B3GALT1: variants seen among roughly 807,000 people sequenced by gnomAD.
B3GALT1 encodes UDP-Gal:betaGlcNAc beta 1,3-galactosyltransferase, polypeptide 1.
In B3GALT1, 10 loss-of-function variants were observed where a neutral mutation model predicts 23.2. That is an observed-to-expected ratio of 0.43 (90% CI 0.27 to 0.73). The LOEUF (loss-of-function observed/expected upper bound fraction) is 0.73, where lower values mean the gene tolerates loss of function less well. Ranked by LOEUF, B3GALT1 falls within the 30% of genes least tolerant of loss-of-function variation. The pLI, the probability that B3GALT1 is intolerant of heterozygous loss-of-function variation, is 0.21. For missense variants in B3GALT1, 299 were observed against 405.4 expected (o/e 0.74, Z 2.25); for synonymous variants, 156 against 141.5 (o/e 1.10, Z -0.73).
At chr2:167,572,584 G>A (rs2105401172) in intron 2 of B3GALT1, among the ~76,000 whole-genome samples, 1 of 151,848 alleles carries the variant, frequency 6.6e-6, no homozygotes, top group East Asian at 1.9e-4. Flanking sequence ...TGGAAGTCAT[G>A]AATATTTAAG....
chr2:167,650,354 G>A (rs1254541539), intron 3 of B3GALT1, among the ~76,000 whole-genome samples: 1 of 149,876 alleles, frequency 6.7e-6, no homozygotes, highest in Non-Finnish European at 1.5e-5. Flanking sequence ...TATATAGTGA[G>A]AATATATATC....
At chr2:167,367,031 G>T (rs1697598482) in intron 1 of B3GALT1, among the ~76,000 whole-genome samples, 1 of 152,178 alleles carries the variant, frequency 6.6e-6, no homozygotes, top group Admixed American at 6.5e-5. Flanking sequence ...AAGTGGGGAA[G>T]ACTACACAAG....
chr2:167,678,186 G>T (rs1438686968), intron 3 of B3GALT1, among the ~76,000 whole-genome samples: 1 of 151,866 alleles, frequency 6.6e-6, no homozygotes, highest in African/African-American at 2.4e-5. Context: ...TTCTATCTTT[G>T]TGTCCCCATT....
At chr2:167,470,448 T>C (rs902708613) in intron 1 of B3GALT1, among the ~76,000 whole-genome samples, 1 of 152,192 alleles carries the variant, frequency 6.6e-6, no homozygotes, top group South Asian at 2.1e-4. Flanking sequence ...CATATTGTAA[T>C]CCAGTGCAAT....
At chr2:167,745,728 A>C (rs185248336) in intron 3 of B3GALT1, among the ~76,000 whole-genome samples, 64 of 152,056 alleles carry the variant, frequency 4.2e-4, no homozygotes, top group African/African-American at 1.4e-3. Context: ...GGTGTTCTGC[A>C]GTTTTACTGG....
intron 2 of B3GALT1, among the ~76,000 whole-genome samples, chr2:167,523,363 A>G (rs986261280): frequency 6.6e-6 from 1 of 151,808 alleles, no homozygotes; most frequent in African/African-American, 2.4e-5. Flanking sequence ...TCTTGCCCAC[A>G]CATTCCCATC....
chr2:167,678,013 A>G (rs1346578903), intron 3 of B3GALT1, among the ~76,000 whole-genome samples: 1 of 152,152 alleles, frequency 6.6e-6, no homozygotes, highest in Non-Finnish European at 1.5e-5. Context: ...TCCCTCCCCC[A>G]ACACGTGCGG....
In B3GALT1 at chr2:167,824,997, A is replaced by T. The variant is rs543131012; in HGVS notation, c.-230+6204A>T. On this transcript the variant is annotated intron_variant, in intron 4 of 4. Coordinates refer to ENST00000392690, the MANE Select transcript of B3GALT1 (RefSeq NM_020981.4). Reference sequence around the variant, plus strand: ...GCAACTGAGGTCATGGGCAGAAAAAAAAATTGCATAGAAAACAAGCAAAAC... The same window carrying T: ...GCAACTGAGGTCATGGGCAGAAAAATAAATTGCATAGAAAACAAGCAAAAC... Among the ~76,000 whole-genome samples, 3 of 152,248 alleles carry T rather than the reference A, an allele frequency of 2.0e-5. No homozygotes were observed. The South Asian group carries it at 6.2e-4, about 32-fold the overall frequency.
intron 3 of B3GALT1, among the ~76,000 whole-genome samples, chr2:167,727,544 C>T (rs1003086008): frequency 1.2e-4 from 18 of 152,262 alleles, no homozygotes; most frequent in Admixed American, 1.0e-3. Context: ...TTCCAGCATA[C>T]CTCAAAATCT....
intron 3 of B3GALT1, among the ~76,000 whole-genome samples, chr2:167,744,568 C>G (rs1007815665): frequency 1.6e-4 from 25 of 151,658 alleles, no homozygotes; most frequent in Non-Finnish European, 2.7e-4. Context: ...TTTTAATTTT[C>G]TGTTTTCTTA....
At chr2:167,411,979 A>G (rs1009081233) in intron 1 of B3GALT1, among the ~76,000 whole-genome samples, 2 of 152,134 alleles carry the variant, frequency 1.3e-5, no homozygotes, top group East Asian at 3.9e-4. Flanking sequence ...GCATGTTCTC[A>G]CTCGTGTAGG....
intron 2 of B3GALT1, among the ~76,000 whole-genome samples, chr2:167,495,241 A>G (rs896215217): frequency 6.6e-6 from 1 of 151,892 alleles, no homozygotes; most frequent in African/African-American, 2.4e-5. Context: ...GTTGATGGGA[A>G]GTGATGAGAA....
At chr2:167,788,611 A>T (rs966906713) in intron 3 of B3GALT1, among the ~76,000 whole-genome samples, 2 of 151,998 alleles carry the variant, frequency 1.3e-5, no homozygotes, top group South Asian at 4.1e-4. Context: ...AATGCGAGCG[A>T]TGAGGAGCAG....
At chr2:167,473,623 C>T (rs1455157827) in intron 1 of B3GALT1, among the ~76,000 whole-genome samples, 2 of 152,024 alleles carry the variant, frequency 1.3e-5, no homozygotes, top group Non-Finnish European at 2.9e-5. Flanking sequence ...TTCTTTCTCT[C>T]CATTGCCTTG....
intron 2 of B3GALT1, among the ~76,000 whole-genome samples, chr2:167,640,987 A>T (rs1393234734): frequency 6.6e-6 from 1 of 152,140 alleles, no homozygotes; most frequent in Non-Finnish European, 1.5e-5. Context: ...CTTTCTATCT[A>T]TTCAAAGCCT....
chr2:167,732,592 A>G (rs542966745), intron 3 of B3GALT1, among the ~76,000 whole-genome samples: 3 of 152,244 alleles, frequency 2.0e-5, no homozygotes, highest in South Asian at 4.1e-4. Flanking sequence ...CTCTCTCAGC[A>G]TGGAACCAAA....
intron 3 of B3GALT1, among the ~76,000 whole-genome samples, chr2:167,674,609 T>G (rs771479377): frequency 3.3e-5 from 5 of 152,198 alleles, no homozygotes; most frequent in African/African-American, 4.8e-5. Context: ...GACCCAGGTA[T>G]CTCAAAGGAG....
At chr2:167,387,415 A>G (rs1373889095) in intron 1 of B3GALT1, among the ~76,000 whole-genome samples, 1 of 152,198 alleles carries the variant, frequency 6.6e-6, no homozygotes, top group African/African-American at 2.4e-5. Flanking sequence ...AGGAGGCGAT[A>G]TGTTATCTCA....
At chr2:167,867,806 A>C (rs1166766289) in intron 4 of B3GALT1, among the ~76,000 whole-genome samples, 4 of 152,208 alleles carry the variant, frequency 2.6e-5, no homozygotes, top group Non-Finnish European at 4.4e-5. Context: ...CTTCATAACC[A>C]GGCATATAGG....
Sources: allele counts gnomAD v4.1 joint callset (sites outside exome capture counted in the v4.1 genomes callset), GRCh38; gene constraint gnomAD v4.1.1; transcripts MANE v1.5; gene names NCBI Gene and HGNC (gene_info 2026-07-23, HGNC 2026-07-21).